Variants in PPP1R12C observed in about 807,000 individuals in gnomAD.
The protein encoded by PPP1R12C is protein phosphatase 1 regulatory subunit 12C, also known as leukocyte receptor cluster (LRC) encoded novel gene 3.
A neutral mutation model predicts 95.6 loss-of-function variants in PPP1R12C; 48 were observed. That is an observed-to-expected ratio of 0.50 (90% CI 0.40 to 0.64). The LOEUF is 0.64. Among genes scored for constraint, PPP1R12C ranks in the 30% least tolerant of loss-of-function variants. The pLI, the probability that PPP1R12C is intolerant of heterozygous loss-of-function variation, is 0.00. For synonymous variants in PPP1R12C, 480 were observed against 460.8 expected, an observed-to-expected ratio of 1.04 and a Z score of -0.53; for missense variants, 1,057 against 1,083.3, an observed-to-expected ratio of 0.98 and a Z score of 0.34.
chr19:55,093,053 G>A lies in PPP1R12C; in HGVS notation c.1788C>T (p.Val596=), dbSNP rs149471878. ...QSLDPSRRPR[V]PGVENSDSPA... ...GGCTGTCAGAGTTCTCCACTCCAGG[G>A]ACGCGGGGCCTTCGGGAAGGGTCCT... The change falls in exon 15 of 22, where the codon GTC becomes GTT. Residue 596 remains valine, a synonymous_variant. Transcript: ENST00000263433. 2 of 1,598,480 alleles carry A rather than the reference G, an allele frequency of 1.3e-6. No individual in the cohort carries two copies. The highest frequency in any genetic ancestry group is 1.3e-5 in the African/African-American group (1 of 74,724).
intron 1 of PPP1R12C, chr19:55,113,346 T>C: frequency 7.5e-7 from 1 of 1,340,194 alleles, no homozygotes; most frequent in Non-Finnish European, 9.7e-7. Flanking sequence ...TGGGACAGAC[T>C]CAGGGGCCTG....
At chr19:55,099,337 C>T (rs116882216) in intron 4 of PPP1R12C, among the ~76,000 whole-genome samples, 2,300 of 152,338 alleles carry the variant, frequency 0.015, 30 homozygotes, top group Non-Finnish European at 0.023. Context: ...GCCTCTGGAA[C>T]CTGCTCCTGG....
In PPP1R12C at chr19:55,098,772, C is replaced by A. The variant is rs2084950085; in HGVS notation, c.951+12G>T. 6.2e-7 allele frequency: 1 copy of A among 1,613,278 alleles called. No individual in the cohort carries two copies. Among genetic ancestry groups the A allele is most frequent in the Admixed American group, 1.7e-5 (1 of 60,004 alleles). On this transcript the variant is annotated intron_variant, in intron 6 of 21. Transcript: ENST00000263433. The stretch of plus-strand genomic sequence containing the variant: ...GGGAGTCTGGGGTAAGCCCCTCAGC[C>A]CTGACACTCACGTCCTCCTGTTTCC...
chr19:55,092,646 G>A lies in PPP1R12C; in HGVS notation c.1928C>T (p.Pro643Leu), dbSNP rs866652278. The A allele has an allele frequency of 2.6e-6, 4 of 1,516,924 alleles. No individual in the cohort carries two copies. The South Asian group carries it at 3.9e-5, about 15-fold the overall frequency. 94.0% of individuals were successfully genotyped at this position (1,516,924 alleles called of 1,614,324 possible). Reference sequence around the variant, plus strand: ...CCTGGACTCCTGGCTGCGGTCAGCCGGCTCCGCCTCCTCCCCCTGTGGGCA... The same window carrying A: ...CCTGGACTCCTGGCTGCGGTCAGCCAGCTCCGCCTCCTCCCCCTGTGGGCA... ...RGPAEGEEAE[P>L]ADRSQESSTL... Residue 643 changes from proline to leucine, a missense_variant, in exon 17 of 22, where the codon CCG becomes CTG. Transcript: ENST00000263433.
chr19:55,101,930 C>T (rs1300007948), intron 4 of PPP1R12C, among the ~76,000 whole-genome samples: 1 of 151,816 alleles, frequency 6.6e-6, no homozygotes, highest in African/African-American at 2.4e-5. Context: ...CGGCCTGGAG[C>T]GGTTAGAGGC....
intron 5 of PPP1R12C, 29 bp downstream of exon 5, chr19:55,098,922 C>G: frequency 1.2e-6 from 2 of 1,602,460 alleles, no homozygotes; most frequent in Non-Finnish European, 8.5e-7. Flanking sequence ...CACGCCCTGC[C>G]CCTCACCAGC....
Position 55,092,319 on chromosome 19 carries a change from G to A in PPP1R12C, c.2063C>T (p.Ala688Val). 2.5e-6 allele frequency: 4 copies of A among 1,596,926 alleles called. No individual in the cohort carries two copies. The highest frequency in any genetic ancestry group is 4.5e-5 in the East Asian group (2 of 44,230). Reference protein sequence around the residue: ...EPDGGFRTLYAELRRENERLR... With the variant: ...EPDGGFRTLYVELRRENERLR... ...CCGCTCGTTCTCCCTGCGCAGCTCT[G>A]CATACAGCTGGGGGTCAGGTAGAGG... is the stretch of plus-strand genomic sequence containing the variant. Residue 688 changes from alanine to valine, a missense_variant, in exon 19 of 22, where the codon GCA (alanine) becomes GTA (valine). Transcript: ENST00000263433.
At chr19:55,111,954 C>G (rs1005062295) in intron 3 of PPP1R12C, 1 of 152,924 alleles carries the variant, frequency 6.5e-6, no homozygotes, top group Non-Finnish European at 1.5e-5. Flanking sequence ...CTAGAAGCAA[C>G]ACCCCTTCCC....
rs774899508 is a variant in PPP1R12C, at chr19:55,092,792, C to T, written c.1902G>A (p.Gly634=). ...EHRKVGKEWR[G]PAEGEEAEPA... Reference sequence around the variant, plus strand: ...CACCTGAGCCCCTCACCTCCGCAGGCCCCCTCCACTCCTTTCCGACCTTGC... The same window carrying T: ...CACCTGAGCCCCTCACCTCCGCAGGTCCCCTCCACTCCTTTCCGACCTTGC... Residue 634 remains glycine, a synonymous_variant, in exon 16 of 22, where the codon GGG becomes GGA. Transcript: ENST00000263433. 2.1e-5 allele frequency: 33 copies of T among 1,558,088 alleles called. No individual in the cohort carries two copies. Among genetic ancestry groups the T allele is most frequent in the Admixed American group, 3.9e-5 (2 of 51,824 alleles).
intron 3 of PPP1R12C, 39 bp from the exon 4 acceptor site, chr19:55,103,607 A>G (rs1486201218): frequency 4.7e-6 from 7 of 1,492,656 alleles, no homozygotes; most frequent in Admixed American, 2.0e-5. Flanking sequence ...CTCACACCCC[A>G]TGACCTGAAA....
chr19:55,110,493 C>T (rs933593477), intron 3 of PPP1R12C, among the ~76,000 whole-genome samples: 1 of 152,076 alleles, frequency 6.6e-6, no homozygotes, highest in Non-Finnish European at 1.5e-5. Flanking sequence ...CAGGGGGTAG[C>T]GTGTTGCATC....
At position 55,095,952 on chromosome 19, in the gene PPP1R12C, G is replaced by A; in HGVS notation, c.1154-12C>T. 2.5e-6 allele frequency: 4 copies of A among 1,611,810 alleles called. 1 individual carries two copies. The South Asian group carries it at 3.3e-5, about 13-fold the overall frequency. ...TGCAGGGGGTGGTTCTGTGATGTGGGAACACCGGGCAGGTCACAGAAGATG... is the reference window on the plus strand; with the variant it reads ...TGCAGGGGGTGGTTCTGTGATGTGGAAACACCGGGCAGGTCACAGAAGATG... On this transcript the variant is annotated splice_polypyrimidine_tract_variant and intron_variant, in intron 8 of 21. Coordinates refer to ENST00000263433, the MANE Select transcript of PPP1R12C (RefSeq NM_017607.4).
Position 55,093,085 on chromosome 19 carries a change from AG to A in PPP1R12C, c.1765-10del, listed in dbSNP as rs1305615520. On this transcript the variant is annotated splice_polypyrimidine_tract_variant and intron_variant, in intron 14 of 21. Transcript: ENST00000263433. ...GGCCTTCGGGAAGGGTCCTGTCGGG[AG>A]GGGGAGGCGAGTCAGGGAAGCAGGA... 6.2e-7 allele frequency: 1 copy of A among 1,607,736 alleles called. No homozygotes were observed. The highest frequency in any genetic ancestry group is 8.5e-7 in the Non-Finnish European group (1 of 1,178,478).
chr19:55,103,703 G>C, intron 3 of PPP1R12C, 135 bp from the exon 4 acceptor site: 1 of 824,286 alleles, frequency 1.2e-6, no homozygotes, highest in Non-Finnish European at 1.7e-6. Flanking sequence ...TGAGACTCAG[G>C]AGGCCCAGAC....
intron 1 of PPP1R12C, 91 bp from the exon 2 acceptor site, chr19:55,112,886 C>T: frequency 6.5e-7 from 1 of 1,544,542 alleles, no homozygotes; most frequent in Non-Finnish European, 8.8e-7. Flanking sequence ...AAAACAGATC[C>T]AGGGACACGG....
rs570955246 is a variant in PPP1R12C at position 55,113,940 on chromosome 19, C to T, written c.322-1145G>A. ...GGGACTCCAGAGTCCAGGCCCAACC[C>T]CTCCCCATTCAACCCAGGAGGCCAG... On this transcript the variant is annotated intron_variant, in intron 1 of 21. Transcript: ENST00000263433. 7.4e-5 allele frequency: 12 copies of T among 161,778 alleles called. No individual in the cohort carries two copies. The South Asian group carries it at 1.9e-3, about 25-fold the overall frequency. The allele number at this position is 161,778 out of a possible 1,614,324, so 10.0% of individuals were successfully genotyped here. A position where few individuals can be genotyped will look rare whatever the true frequency, so the allele number is the denominator to read the frequency against.
chr19:55,106,413 C>T (rs548828344), intron 3 of PPP1R12C, among the ~76,000 whole-genome samples: 5 of 152,202 alleles, frequency 3.3e-5, no homozygotes, highest in Non-Finnish European at 5.9e-5. Flanking sequence ...AACCACTTCC[C>T]AAAGTAGCTG....
At chr19:55,113,299 C>T (rs2085117939) in intron 1 of PPP1R12C, 1 of 927,104 alleles carries the variant, frequency 1.1e-6, no homozygotes, top group Admixed American at 3.5e-5. Context: ...AGCCGTGGGC[C>T]CAGGGCTATG....
intron 3 of PPP1R12C, among the ~76,000 whole-genome samples, chr19:55,104,229 T>C (rs951830861): frequency 3.0e-5 from 4 of 132,568 alleles, no homozygotes; most frequent in African/African-American, 5.7e-5. Context: ...AAAATATAAA[T>C]ATAAAAAATA....
Sources: gnomAD v4.1 joint callset for allele counts (sites outside exome capture counted in the v4.1 genomes callset) on GRCh38, gnomAD v4.1.1 for gene constraint, MANE v1.5 for transcripts, NCBI Gene and HGNC (gene_info 2026-07-23, HGNC 2026-07-21) for gene names.